The following TRIM69 variants were observed in gnomAD, a reference collection of about 807,000 sequenced individuals.
TRIM69 encodes E3 ubiquitin-protein ligase TRIM69.
Under a neutral mutation model 37.7 loss-of-function variants are expected in TRIM69, and 29 were observed. The ratio of observed to expected loss-of-function variants is 0.77; its 90% confidence interval spans 0.57 to 1.05. The LOEUF (loss-of-function observed/expected upper bound fraction) is 1.05. Ranked by LOEUF, TRIM69 falls within the 50% of genes least tolerant of loss-of-function variation. The pLI is 0.00. For synonymous variants in TRIM69, 209 were observed against 212.4 expected, an observed-to-expected ratio of 0.98 and a Z score of 0.14; for missense variants, 596 against 579.9, an observed-to-expected ratio of 1.03 and a Z score of -0.28.
chr15:44,751,723 A>C (rs2087536182), intron 1 of TRIM69, among the ~76,000 whole-genome samples: 1 of 152,024 alleles, frequency 6.6e-6, no homozygotes, highest in Admixed American at 6.6e-5. Flanking sequence ...ACTGTATCCC[A>C]TAAGTTTTGA....
Position 44,767,464 on chromosome 15 carries a change from A to T in TRIM69, c.1195A>T (p.Ile399Phe), listed in dbSNP as rs114770697. 1.3e-3 allele frequency: 2,093 copies of T among 1,614,222 alleles called. 23 individuals carry two copies. The African/African-American group carries it at 0.019, about 15-fold the overall frequency. ...KWTVGVVRESIIRKGSCPLTP... is the reference protein window; with the variant it reads ...KWTVGVVRESFIRKGSCPLTP... ...GACAGTTGGAGTTGTCAGAGAATCC[A>T]TCATTCGGAAGGGCAGCTGTCCTCT... Residue 399 changes from isoleucine (I) to phenylalanine (F), a missense_variant, in exon 7 of 7, where the codon ATC becomes TTC. By Grantham distance (21) the Ile-to-Phe change is conservative. Coordinates refer to ENST00000329464, the MANE Select transcript of TRIM69 (RefSeq NM_182985.5).
At chr15:44,749,003 T>C (rs3110175) in intron 1 of TRIM69, among the ~76,000 whole-genome samples, 138,657 of 151,704 alleles carry the variant, frequency 0.91, 63,564 homozygotes, top group Middle Eastern at 0.96. Context: ...GCCTCAGCCT[T>C]CCGAGTAGCC....
At chr15:44,758,599 T>G in intron 3 of TRIM69, 22 bp from the exon 4 acceptor site, 1 of 1,613,156 alleles carries the variant, frequency 6.2e-7, no homozygotes. Flanking sequence ...ATAACCATGG[T>G]GATAATCATG....
At position 44,759,882 on chromosome 15, in the gene TRIM69, G is replaced by A. The variant is rs200235488; in HGVS notation, c.961+10G>A. ...GACACTCTCTGCCCAGGTATCAGTGGGTAGTAACTATTGGTTCTTGAGGCT... is the reference window on the plus strand; with the variant it reads ...GACACTCTCTGCCCAGGTATCAGTGAGTAGTAACTATTGGTTCTTGAGGCT... On this transcript the variant is annotated intron_variant, in intron 6 of 6. Transcript: ENST00000329464. 2.5e-6 allele frequency: 4 copies of A among 1,606,292 alleles called. No individual in the cohort carries two copies. Among genetic ancestry groups the A allele is most frequent in the African/African-American group, 2.7e-5 (2 of 74,844 alleles).
At chr15:44,739,299 G>A (rs8036450) in intron 1 of TRIM69, among the ~76,000 whole-genome samples, 8,269 of 152,284 alleles carry the variant, frequency 0.054, 241 homozygotes, top group Non-Finnish European at 0.061. Context: ...CAGCGTGAGC[G>A]ATGCAGAAGA....
chr15:44,759,877 C>G lies in TRIM69; in HGVS notation c.961+5C>G, dbSNP rs760009561. ...TGCAGGACACTCTCTGCCCAGGTAT[C>G]AGTGGGTAGTAACTATTGGTTCTTG... On this transcript the variant is annotated splice_donor_5th_base_variant and intron_variant, in intron 6 of 6. Coordinates refer to ENST00000329464, the MANE Select transcript of TRIM69 (RefSeq NM_182985.5). 1 of 1,608,898 alleles carries G rather than the reference C, an allele frequency of 6.2e-7. No individual in the cohort carries two copies. The highest frequency in any genetic ancestry group is 8.5e-7 in the Non-Finnish European group (1 of 1,175,938).
In TRIM69 at chr15:44,754,900, G is replaced by A; in HGVS notation, c.7G>A (p.Val3Ile). ...TCATTTTAGCTGTTCTTTTCTAAAG[G>A]TATCCACCAACCCCTCCTCCAACAT... Reference protein sequence around the residue: MEVSTNPSSNIDP... With the variant: MEISTNPSSNIDP... The change falls in exon 2 of 7, where the codon GTA becomes ATA. Residue 3 changes from valine (V) to isoleucine (I), a missense_variant and splice_region_variant. Val to Ile is a conservative substitution (Grantham distance 29). Transcript: ENST00000329464. 6.2e-7 allele frequency: 1 copy of A among 1,603,752 alleles called. No homozygotes were observed. The highest frequency in any genetic ancestry group is 8.5e-7 in the Non-Finnish European group (1 of 1,172,110).
intron 2 of TRIM69, 48 bp downstream of exon 2, chr15:44,755,424 A>T: frequency 1.5e-6 from 2 of 1,358,388 alleles, no homozygotes; most frequent in South Asian, 1.2e-5. Context: ...AACTAGGAAA[A>T]ATATTTCATA....
At chr15:44,762,218 G>A (rs369713936) in intron 6 of TRIM69, among the ~76,000 whole-genome samples, 1 of 152,008 alleles carries the variant, frequency 6.6e-6, no homozygotes, top group Non-Finnish European at 1.5e-5. Context: ...TGCCCGCCTC[G>A]GCCTCCCAAA....
chr15:44,761,025 C>T (rs940217255), intron 6 of TRIM69, among the ~76,000 whole-genome samples: 1 of 151,882 alleles, frequency 6.6e-6, no homozygotes, highest in Non-Finnish European at 1.5e-5. Flanking sequence ...TCATGCCATT[C>T]TCCTGCCTCA....
intron 6 of TRIM69, among the ~76,000 whole-genome samples, chr15:44,766,569 A>G (rs1311475750): frequency 2.6e-5 from 4 of 152,192 alleles, no homozygotes; most frequent in Non-Finnish European, 5.9e-5. Context: ...CCTTCCTCAG[A>G]AAGCTTTCCT....
chr15:44,744,947 A>C (rs1430028222), intron 1 of TRIM69, among the ~76,000 whole-genome samples: 1 of 151,864 alleles, frequency 6.6e-6, no homozygotes, highest in Admixed American at 6.6e-5. Flanking sequence ...ACAATAGAGT[A>C]ACCAAAAAGC....
chr15:44,762,188 G>A lies in TRIM69; in HGVS notation c.961+2316G>A, dbSNP rs572869850. ...TCACCATGTTAGCCAGGATGGTCTC[G>A]ATCACCTGACCTCGTGATCTGCCCG... On this transcript the variant is annotated intron_variant, in intron 6 of 6. Coordinates refer to ENST00000329464, the MANE Select transcript of TRIM69 (RefSeq NM_182985.5). Among the ~76,000 whole-genome samples, 8 of 152,176 alleles carry A rather than the reference G, an allele frequency of 5.3e-5. No homozygotes were observed. In the South Asian group the frequency reaches 1.7e-3, roughly 32 times the overall value.
intron 6 of TRIM69, among the ~76,000 whole-genome samples, chr15:44,760,580 C>T (rs1395840430): frequency 2.0e-5 from 3 of 151,936 alleles, no homozygotes; most frequent in Admixed American, 6.6e-5. Context: ...AATGAAAAAT[C>T]GCAAATTTTT....
At chr15:44,740,970 T>C (rs2141307500) in intron 1 of TRIM69, among the ~76,000 whole-genome samples, 2 of 152,136 alleles carry the variant, frequency 1.3e-5, no homozygotes, top group Non-Finnish European at 2.9e-5. Context: ...GCGGACCTAA[T>C]AGACATCTAC....
intron 6 of TRIM69, among the ~76,000 whole-genome samples, chr15:44,766,152 A>G (rs1021128648): frequency 3.9e-5 from 6 of 152,150 alleles, no homozygotes; most frequent in Admixed American, 6.5e-5. Flanking sequence ...TTGAAAAAGT[A>G]AAATTAAAAA....
intron 6 of TRIM69, among the ~76,000 whole-genome samples, chr15:44,764,518 G>T (rs1362742208): frequency 1.3e-5 from 2 of 151,784 alleles, no homozygotes; most frequent in African/African-American, 2.4e-5. Context: ...TTTCTGTAAA[G>T]GTTTGAAGAG....
chr15:44,744,359 T>C (rs1328571155), intron 1 of TRIM69, among the ~76,000 whole-genome samples: 1 of 145,464 alleles, frequency 6.9e-6, no homozygotes, highest in African/African-American at 2.5e-5. Flanking sequence ...TAATGCTAAA[T>C]GATGAGTTAA....
At chr15:44,752,915 GCT>G (rs2087565680) in intron 1 of TRIM69, 1 of 152,004 alleles carries the variant, frequency 6.6e-6, no homozygotes, top group Admixed American at 6.5e-5. Flanking sequence ...CTCCTTTTCA[GCT>G]CTGTTTTCTC....
Sources: allele counts gnomAD v4.1 joint callset (sites outside exome capture counted in the v4.1 genomes callset), GRCh38; gene constraint gnomAD v4.1.1; transcripts MANE v1.5; gene names NCBI Gene and HGNC (gene_info 2026-07-23, HGNC 2026-07-21).